BTN2A2: variants seen among roughly 807,000 people sequenced by gnomAD.
BTN2A2 encodes butyrophilin 2.
Under a neutral mutation model 34.7 loss-of-function variants are expected in BTN2A2, and 29 were observed. The ratio of observed to expected loss-of-function variants is 0.84; its 90% CI spans 0.62 to 1.14. The LOEUF (loss-of-function observed/expected upper bound fraction) is 1.14, where lower values mean the gene tolerates loss of function less well. Ranked by LOEUF, BTN2A2 falls within the 50% of genes most tolerant of loss-of-function variation. BTN2A2 has a pLI of 0.00. For missense variants in BTN2A2, 612 were observed against 651.5 expected (o/e 0.94, Z 0.66); for synonymous variants, 240 against 253.1 (o/e 0.95, Z 0.49).
rs529266309 is a variant in BTN2A2, at chr6:26,385,657, T to C, written c.442+295T>C. The stretch of plus-strand genomic sequence containing the variant: ...CCTCTGCCTCCTGGGTTCAAGCTAT[T>C]CTCCTGCCTCAGCCTCCTGAGTAGC... On this transcript the variant is annotated intron_variant, in intron 3 of 7. Transcript: ENST00000356709. 67 of 284,470 alleles carry C rather than the reference T, an allele frequency of 2.4e-4. No individual in the cohort carries two copies. In the South Asian group the frequency reaches 3.0e-3, roughly 13 times the overall value. The allele number at this position is 284,470 out of a possible 1,614,324, so 17.6% of individuals were successfully genotyped here.
Position 26,393,146 on chromosome 6 carries a change from T to G in BTN2A2, c.*179T>G. The G allele has an allele frequency of 5.0e-6, 8 of 1,599,066 alleles. No individual in the cohort carries two copies. Among genetic ancestry groups the G allele is most frequent in the East Asian group, 2.2e-5 (1 of 44,836 alleles). On this transcript the variant is annotated 3_prime_UTR_variant, in exon 8 of 8. Coordinates refer to ENST00000356709, the MANE Select transcript of BTN2A2 (RefSeq NM_006995.5). ...GCCCCAGTTTTCTCCTCCTCACTAG[T>G]CTGTGGCTTTAGTAGTTCCTTTGCT...
Position 26,394,782 on chromosome 6 carries a change from A to C in BTN2A2, c.*1815A>C, listed in dbSNP as rs2113773011. 1 of 157,846 alleles carries C rather than the reference A, an allele frequency of 6.3e-6. No homozygotes were observed. Among genetic ancestry groups the C allele is most frequent in the South Asian group, 2.0e-4 (1 of 5,008 alleles). The allele number at this position is 157,846 out of a possible 1,614,324, so 9.8% of individuals were successfully genotyped here. On this transcript the variant is annotated 3_prime_UTR_variant, in exon 8 of 8. Coordinates refer to ENST00000356709, the MANE Select transcript of BTN2A2 (RefSeq NM_006995.5). ...GATCTGTATCTACATCTATATCTGT[A>C]TGTGCATCTATATCTATGCCTATAT...
chr6:26,390,276 T>C (rs1480746158), intron 5 of BTN2A2, 65 bp downstream of exon 5: 5 of 1,481,684 alleles, frequency 3.4e-6, no homozygotes, highest in Non-Finnish European at 4.6e-6. Context: ...GTTAAATGAG[T>C]AGGAGGACAA....
At chr6:26,387,007 G>T (rs1761243294) in intron 3 of BTN2A2, among the ~76,000 whole-genome samples, 2 of 152,188 alleles carry the variant, frequency 1.3e-5, no homozygotes, top group South Asian at 4.1e-4. Context: ...AATTATTCAG[G>T]AGAAGTTTGG....
Position 26,388,217 on chromosome 6 carries a change from A to G in BTN2A2, c.647A>G (p.Lys216Arg). The part of the protein sequence containing the change: ...MVTTAVIIRD[K>R]YVRNVSCSVN... The stretch of plus-strand genomic sequence containing the variant: ...ACCACAGCTGTGATCATCAGAGACA[A>G]GTATGTGAGGAATGTGTCCTGCTCT... Residue 216 changes from lysine (K) to arginine (R), a missense_variant, in exon 4 of 8, where the codon AAG becomes AGG. Coordinates refer to ENST00000356709, the MANE Select transcript of BTN2A2 (RefSeq NM_006995.5). The G allele has an allele frequency of 6.2e-7, 1 of 1,614,202 alleles. No homozygotes were observed. Among genetic ancestry groups the G allele is most frequent in the Non-Finnish European group, 8.5e-7 (1 of 1,180,034 alleles).
Position 26,392,728 on chromosome 6 carries a change from C to G in BTN2A2, c.1333C>G (p.Arg445Gly), listed in dbSNP as rs757314986. 6.2e-7 allele frequency: 1 copy of G among 1,614,196 alleles called. No homozygotes were observed. Among genetic ancestry groups the G allele is most frequent in the Admixed American group, 1.7e-5 (1 of 60,032 alleles). The part of the protein sequence containing the change: ...RILPLKESLC[R>G]VGVFLDYEAG... ...TCTCCCTTTGAAGGAGTCCCTTTGC[C>G]GGGTGGGCGTCTTCCTGGACTATGA... The change falls in exon 8 of 8, where the codon CGG becomes GGG. Residue 445 changes from arginine (R) to glycine (G), a missense_variant. By Grantham distance (125) the Arg-to-Gly change is moderately radical. Coordinates refer to ENST00000356709, the MANE Select transcript of BTN2A2 (RefSeq NM_006995.5).
At chr6:26,390,772 C>G (rs371166406) in intron 6 of BTN2A2, 31 bp from the exon 7 acceptor site, 1 of 1,614,252 alleles carries the variant, frequency 6.2e-7, no homozygotes, top group Non-Finnish European at 8.5e-7. Flanking sequence ...AGCAGTGTCT[C>G]GTGACATTCA....
intron 3 of BTN2A2, among the ~76,000 whole-genome samples, chr6:26,387,322 TA>T (rs1269861354): frequency 1.3e-4 from 20 of 152,218 alleles, no homozygotes; most frequent in Non-Finnish European, 1.8e-4. Context: ...CTTTGCCAGC[TA>T]GTTCTGTCTA....
Position 26,390,971 on chromosome 6 carries a change from G to C in BTN2A2, c.979+142G>C, listed in dbSNP as rs540093983. The stretch of plus-strand genomic sequence containing the variant: ...GGGTCAGTTCATCAACGGTGTCCCA[G>C]CAATGATGCATCATGGCTCTTCTGT... On this transcript the variant is annotated intron_variant, in intron 7 of 7. Transcript: ENST00000356709. 36 of 1,234,244 alleles carry C rather than the reference G, an allele frequency of 2.9e-5. 1 individual carries two copies. The highest frequency in any genetic ancestry group is 1.0e-4 in the African/African-American group (7 of 67,092). The allele number at this position is 1,234,244 out of a possible 1,614,324, so 76.5% of individuals were successfully genotyped here. A position where few individuals can be genotyped will look rare whatever the true frequency, so the allele number is the denominator to read the frequency against.
Position 26,393,896 on chromosome 6 carries a change from T to A in BTN2A2, c.*929T>A. The stretch of plus-strand genomic sequence containing the variant: ...TAAAATGTTATCTTTTAATTTATGT[T>A]AAAATAGCATTAATAAATCAGTTAT... On this transcript the variant is annotated 3_prime_UTR_variant, in exon 8 of 8. Coordinates refer to ENST00000356709, the MANE Select transcript of BTN2A2 (RefSeq NM_006995.5). 2.6e-6 allele frequency: 1 copy of A among 386,800 alleles called. No homozygotes were observed. Among genetic ancestry groups the A allele is most frequent in the Non-Finnish European group, 3.6e-6 (1 of 280,300 alleles). 24.0% of individuals were successfully genotyped at this position (386,800 alleles called of 1,614,324 possible).
rs1392252140 is a variant in BTN2A2, at chr6:26,392,663, T to A, written c.1268T>A (p.Phe423Tyr). 1 of 1,614,176 alleles carries A rather than the reference T, an allele frequency of 6.2e-7. No individual in the cohort carries two copies. Among genetic ancestry groups the A allele is most frequent in the Non-Finnish European group, 8.5e-7 (1 of 1,180,018 alleles). Residue 423 changes from phenylalanine to tyrosine, a missense_variant, in exon 8 of 8, where the codon TTT becomes TAT. Coordinates refer to ENST00000356709, the MANE Select transcript of BTN2A2 (RefSeq NM_006995.5). Reference protein sequence around the residue: ...PQNGFWTLEMFGNQYRALSSP... With the variant: ...PQNGFWTLEMYGNQYRALSSP... ...AATGGCTTCTGGACCCTGGAGATGT[T>A]TGGAAACCAATACCGGGCCCTGTCC... is the stretch of plus-strand genomic sequence containing the variant.
chr6:26,386,115 A>G (rs1761187168), intron 3 of BTN2A2, among the ~76,000 whole-genome samples: 1 of 152,198 alleles, frequency 6.6e-6, no homozygotes, highest in Non-Finnish European at 1.5e-5. Flanking sequence ...TTGCAGAGAG[A>G]GTGACTTTTA....
In BTN2A2 at chr6:26,388,041, C is replaced by T; in HGVS notation, c.471C>T (p.Ile157=). Residue 157 remains isoleucine, a synonymous_variant, in exon 4 of 8, where the codon ATC becomes ATT. Coordinates refer to ENST00000356709, the MANE Select transcript of BTN2A2 (RefSeq NM_006995.5). ...TTGGGTCTAAGCCCCTCATTGAAAT[C>T]AAGGCCCAAGAGGATGGGAGCATCT... is the stretch of plus-strand genomic sequence containing the variant. ...AGLGSKPLIE[I]KAQEDGSIWL... 1 of 1,613,802 alleles carries T rather than the reference C, an allele frequency of 6.2e-7. No individual in the cohort carries two copies. The highest frequency in any genetic ancestry group is 1.1e-5 in the South Asian group (1 of 91,064).
chr6:26,389,167 A>G (rs761513630), intron 4 of BTN2A2, among the ~76,000 whole-genome samples: 10 of 152,200 alleles, frequency 6.6e-5, no homozygotes, highest in African/African-American at 1.2e-4. Flanking sequence ...AATATATGAA[A>G]TAATTGAAAC....
chr6:26,390,869 C>T (rs752040796), intron 7 of BTN2A2, 40 bp downstream of exon 7: 34 of 1,613,176 alleles, frequency 2.1e-5, no homozygotes, highest in Admixed American at 8.3e-5. Flanking sequence ...CAGCTTTCTC[C>T]CCACTAGCCA....
At position 26,393,848 on chromosome 6, in the gene BTN2A2, C is replaced by T; in HGVS notation, c.*881C>T. The T allele has an allele frequency of 2.5e-6, 2 of 802,066 alleles. No individual in the cohort carries two copies. Among genetic ancestry groups the T allele is most frequent in the Non-Finnish European group, 3.0e-6 (2 of 662,476 alleles). 49.7% of individuals were successfully genotyped at this position (802,066 alleles called of 1,614,324 possible). On this transcript the variant is annotated 3_prime_UTR_variant, in exon 8 of 8. Coordinates refer to ENST00000356709, the MANE Select transcript of BTN2A2 (RefSeq NM_006995.5). ...TGTTTATTTGGGTTAATATTTATGA[C>T]ATTTGACATTGAAACAAAAATTTAA... is the stretch of plus-strand genomic sequence containing the variant.
chr6:26,384,557 A>G lies in BTN2A2; in HGVS notation c.95-458A>G, dbSNP rs767777857. Among the ~76,000 whole-genome samples the G allele has an allele frequency of 1.3e-5, 2 of 152,274 alleles. No homozygotes were observed. The highest frequency in any genetic ancestry group is 2.4e-5 in the African/African-American group (1 of 41,474). Reference sequence around the variant, plus strand: ...ATTTAAATGCTTAGTTAATAGAACTATTACCAATGAGATATTTGACATTTT... The same window carrying G: ...ATTTAAATGCTTAGTTAATAGAACTGTTACCAATGAGATATTTGACATTTT... On this transcript the variant is annotated intron_variant, in intron 2 of 7. Transcript: ENST00000356709. The surrounding 1 kb of genome is among the most constrained non-coding windows in gnomAD (Gnocchi z 4.0).
intron 4 of BTN2A2, among the ~76,000 whole-genome samples, chr6:26,389,130 A>G (rs1761409037): frequency 6.6e-6 from 1 of 152,098 alleles, no homozygotes. Flanking sequence ...AGAAAAAGAA[A>G]AAAAGGGAGC....
At position 26,390,920 on chromosome 6, in the gene BTN2A2, G is replaced by A. The variant is rs1288387342; in HGVS notation, c.979+91G>A. ...TAGAGGAGATGAGCAAGGGGCCCAG[G>A]GCTACACAGGGACCATAGGGAACTG... On this transcript the variant is annotated intron_variant, in intron 7 of 7. Transcript: ENST00000356709. The A allele has an allele frequency of 2.5e-6, 4 of 1,590,298 alleles. No homozygotes were observed. In the African/African-American group the frequency reaches 5.4e-5, roughly 21 times the overall value.
Sources: gnomAD v4.1 joint callset for allele counts (sites outside exome capture counted in the v4.1 genomes callset) on GRCh38, gnomAD v4.1.1 for gene constraint, Gnocchi (gnomAD v3.1) non-coding constraint, MANE v1.5 for transcripts, NCBI Gene and HGNC (gene_info 2026-07-23, HGNC 2026-07-21) for gene names.